GLIS3: variants seen among roughly 807,000 people sequenced by gnomAD.
GLIS3 encodes the protein zinc finger protein GLIS3.
Under a neutral mutation model 78.6 loss-of-function variants are expected in GLIS3, and 53 were observed. That is an observed-to-expected ratio of 0.67 (90% confidence interval 0.54 to 0.85). GLIS3 has a LOEUF of 0.85. Ranked by LOEUF, GLIS3 falls within the 40% of genes least tolerant of loss-of-function variation. GLIS3 has a pLI of 0.00. For synonymous variants in GLIS3, 684 were observed against 509.9 expected, an observed-to-expected ratio of 1.34 and a Z score of -4.60; for missense variants, 1,703 against 1,231.1, an observed-to-expected ratio of 1.38 and a Z score of -5.74.
intron 4 of GLIS3, among the ~76,000 whole-genome samples, chr9:4,014,680 C>G (rs1822294337): frequency 6.6e-6 from 1 of 152,210 alleles, no homozygotes; most frequent in African/African-American, 2.4e-5. Context: ...AGCCTGTGAA[C>G]TGAAAGAGAA....
chr9:4,231,008 G>A (rs919085580), intron 2 of GLIS3, among the ~76,000 whole-genome samples: 1 of 152,120 alleles, frequency 6.6e-6, no homozygotes, highest in Admixed American at 6.5e-5. Context: ...GGAGTTTGAG[G>A]CTGTAGTGAG....
intron 2 of GLIS3, among the ~76,000 whole-genome samples, chr9:4,205,340 C>T (rs895185695): frequency 1.3e-5 from 2 of 152,182 alleles, no homozygotes; most frequent in Non-Finnish European, 1.5e-5. Context: ...AAGGCTAAGC[C>T]ATGACTGGCT....
intron 8 of GLIS3, among the ~76,000 whole-genome samples, chr9:3,872,512 C>T (rs1394582848): frequency 3.9e-5 from 6 of 152,190 alleles, no homozygotes; most frequent in African/African-American, 1.2e-4. Context: ...GGAGGAGCAA[C>T]TCCCATTTTA....
At chr9:3,959,304 C>T (rs1817378230) in intron 4 of GLIS3, among the ~76,000 whole-genome samples, 2 of 152,226 alleles carry the variant, frequency 1.3e-5, no homozygotes, top group Admixed American at 1.3e-4. Flanking sequence ...TCTCACCAGA[C>T]ACTGCATTTG....
At chr9:4,029,279 TC>T (rs749458643) in intron 4 of GLIS3, among the ~76,000 whole-genome samples, 2 of 151,720 alleles carry the variant, frequency 1.3e-5, no homozygotes, top group East Asian at 1.9e-4. Flanking sequence ...GCAGACCTTT[TC>T]CCCCCGAGAC....
the GLIS3 span, among the ~76,000 whole-genome samples, chr9:4,416,996 A>C: frequency 6.6e-6 from 1 of 151,988 alleles, no homozygotes; most frequent in Non-Finnish European, 1.5e-5. Context: ...TGCCAGTGTT[A>C]TCTCTGTTCC....
chr9:4,372,125 C>T, the GLIS3 span, among the ~76,000 whole-genome samples: 456 of 152,086 alleles, frequency 3.0e-3, 2 homozygotes, highest in African/African-American at 0.01. Flanking sequence ...GAAGGGTGGC[C>T]GAAGTGTCCT....
the GLIS3 span, among the ~76,000 whole-genome samples, chr9:4,365,678 A>C: frequency 6.6e-6 from 1 of 152,270 alleles, no homozygotes; most frequent in East Asian, 1.9e-4. Flanking sequence ...AGAAAACGTC[A>C]TCTGAAAAAC....
At chr9:4,139,381 G>C (rs1400981180) in intron 2 of GLIS3, among the ~76,000 whole-genome samples, 1 of 152,212 alleles carries the variant, frequency 6.6e-6, no homozygotes, top group Non-Finnish European at 1.5e-5. Context: ...GTCAAGTACA[G>C]TTCAAGGCCA....
At chr9:4,310,894 C>T (rs1817341502) in intron 2 of GLIS3, among the ~76,000 whole-genome samples, 1 of 152,172 alleles carries the variant, frequency 6.6e-6, no homozygotes, top group Admixed American at 6.5e-5. Flanking sequence ...GCATCTAAAT[C>T]ACCCAAAGGT....
intron 9 of GLIS3, among the ~76,000 whole-genome samples, chr9:3,848,419 T>C (rs997551827): frequency 6.6e-6 from 1 of 152,334 alleles, no homozygotes; most frequent in Non-Finnish European, 1.5e-5. Flanking sequence ...GGAGAATCGC[T>C]TGAATCCAGG....
chr9:4,186,626 G>C (rs558098829), intron 2 of GLIS3, among the ~76,000 whole-genome samples: 5 of 151,162 alleles, frequency 3.3e-5, no homozygotes, highest in Non-Finnish European at 5.9e-5. Flanking sequence ...CAGTGTAAAA[G>C]TGTTCCTATT....
At chr9:4,423,554 C>T in the GLIS3 span, among the ~76,000 whole-genome samples, 37 of 152,154 alleles carry the variant, frequency 2.4e-4, no homozygotes, top group African/African-American at 8.7e-4. Context: ...CTTATTAAAA[C>T]CCACAAAAAC....
chr9:4,269,980 G>A (rs1479858611), intron 2 of GLIS3, among the ~76,000 whole-genome samples: 1 of 152,196 alleles, frequency 6.6e-6, no homozygotes, highest in Non-Finnish European at 1.5e-5. Flanking sequence ...CCCCACAGGT[G>A]TTTGTAATGG....
intron 4 of GLIS3, among the ~76,000 whole-genome samples, chr9:4,110,601 G>A (rs1831129412): frequency 6.6e-6 from 1 of 152,082 alleles, no homozygotes; most frequent in Non-Finnish European, 1.5e-5. Context: ...ACACCTATTA[G>A]ACAGATTGGT....
intron 2 of GLIS3, among the ~76,000 whole-genome samples, chr9:4,132,073 C>A (rs564673612): frequency 1.3e-5 from 2 of 149,626 alleles, no homozygotes; most frequent in East Asian, 2.0e-4. Flanking sequence ...AAACAAAAAA[C>A]CACATGTCAT....
In GLIS3 at chr9:4,140,788, C is replaced by G. The variant is rs118071730; in HGVS notation, c.389-14847G>C. ...ATTATAAAAGGGCCAAGAGTAGACA[C>G]TGTTTGAATTTATCTTTTTTTTTTT... is the stretch of plus-strand genomic sequence containing the variant. On this transcript the variant is annotated intron_variant, in intron 2 of 10. Coordinates refer to ENST00000381971, the MANE Select transcript of GLIS3 (RefSeq NM_001042413.2). Among the ~76,000 whole-genome samples the G allele has an allele frequency of 3.9e-4, 52 of 133,224 alleles. No individual in the cohort carries two copies. The East Asian group carries it at 0.01, about 26-fold the overall frequency. The allele number at this position is 133,224 out of a possible 152,430, so 87.4% of individuals were successfully genotyped here. A position where few individuals can be genotyped will look rare whatever the true frequency, so the allele number is the denominator to read the frequency against.
chr9:4,281,640 T>C (rs926591241), intron 2 of GLIS3, among the ~76,000 whole-genome samples: 6 of 152,228 alleles, frequency 3.9e-5, no homozygotes, highest in African/African-American at 1.4e-4. Flanking sequence ...CTAAATAATA[T>C]GCCATTGTAT....
intron 4 of GLIS3, among the ~76,000 whole-genome samples, chr9:3,964,594 T>C (rs1186921303): frequency 6.6e-6 from 1 of 152,224 alleles, no homozygotes; most frequent in Non-Finnish European, 1.5e-5. Context: ...GGATCAATTA[T>C]TCTCCAGCAG....
Sources: gnomAD v4.1 joint callset for allele counts (sites outside exome capture counted in the v4.1 genomes callset) on GRCh38, gnomAD v4.1.1 for gene constraint, MANE v1.5 for transcripts, NCBI Gene and HGNC (gene_info 2026-07-23, HGNC 2026-07-21) for gene names.